PCDHA11: variants seen among roughly 807,000 people sequenced by gnomAD.
PCDHA11 encodes protocadherin alpha 11.
In PCDHA11, 61 loss-of-function variants were observed where a neutral mutation model predicts 70.3. That is an observed-to-expected ratio of 0.87 (90% CI 0.71 to 1.07). The LOEUF is 1.07. PCDHA11 is among the 50% of genes least tolerant of loss of function. The probability of loss-of-function intolerance (pLI) is 0.00; values close to 1 mark genes in which losing one functional copy is unlikely to be tolerated. For synonymous variants in PCDHA11, 633 were observed against 555.1 expected, an observed-to-expected ratio of 1.14 and a Z score of -1.97; for missense variants, 1,324 against 1,237.5, an observed-to-expected ratio of 1.07 and a Z score of -1.05.
rs568082033 is a variant in PCDHA11, at chr5:140,926,946, AG to A, written c.2392-52002del. On this transcript the variant is annotated intron_variant, in intron 1 of 3. Transcript: ENST00000398640. ...GTTTGTGGGTTTCCTGCGGCGCTGC[AG>A]CGGGACAGCTCGAGTACTCAGTGCC... 60 of 1,590,228 alleles carry A rather than the reference AG, an allele frequency of 3.8e-5. No individual in the cohort carries two copies. The African/African-American group carries it at 7.7e-4, about 20-fold the overall frequency.
intron 2 of PCDHA11, among the ~76,000 whole-genome samples, chr5:140,980,460 T>G (rs1554241839): frequency 6.6e-6 from 1 of 152,134 alleles, no homozygotes; most frequent in Non-Finnish European, 1.5e-5. Flanking sequence ...TGAAACCCTG[T>G]CTCTACTAAA....
chr5:140,869,894 T>A lies in PCDHA11; in HGVS notation c.791T>A (p.Leu264Gln), dbSNP rs1234875307. 5 of 1,610,472 alleles carry A rather than the reference T, an allele frequency of 3.1e-6. No individual in the cohort carries two copies. The African/African-American group carries it at 4.0e-5, about 13-fold the overall frequency. Residue 264 changes from leucine (L) to glutamine (Q), a missense_variant, in exon 1 of 4, where the codon CTA becomes CAA. By Grantham distance (113) the Leu-to-Gln change is moderately radical (BLOSUM62 -2). Coordinates refer to ENST00000398640, the MANE Select transcript of PCDHA11 (RefSeq NM_018902.5). The part of the protein sequence containing the change: ...NAAKETLVLK[L>Q]NATDRDEGVN... ...GCTAAAGAAACTCTTGTGCTCAAAC[T>A]AAACGCCACAGACCGAGACGAAGGA...
At chr5:140,877,065 G>A (rs782807909) in intron 1 of PCDHA11, 7 of 1,613,044 alleles carry the variant, frequency 4.3e-6, no homozygotes, top group Non-Finnish European at 5.9e-6. Flanking sequence ...TGGAGCTGCT[G>A]CAGTTCCAGG....
In PCDHA11 at chr5:140,917,330, A is replaced by T. The variant is rs155802; in HGVS notation, c.2391+45836A>T. On this transcript the variant is annotated intron_variant, in intron 1 of 3. Coordinates refer to ENST00000398640, the MANE Select transcript of PCDHA11 (RefSeq NM_018902.5). The stretch of plus-strand genomic sequence containing the variant: ...CAATTTGGTGTTCATGTGGCGGGGG[A>T]GGGGGGGGATGGTGTAGGCTTCTGT... Among the ~76,000 whole-genome samples, 56 of 103,230 alleles carry T rather than the reference A, an allele frequency of 5.4e-4. 2 individuals are homozygous for T. In the South Asian group the frequency reaches 0.01, roughly 19 times the overall value. The allele number at this position is 103,230 out of a possible 152,430, so 67.7% of individuals were successfully genotyped here.
At chr5:140,897,227 CA>C (rs1408350956) in intron 1 of PCDHA11, among the ~76,000 whole-genome samples, 2 of 152,036 alleles carry the variant, frequency 1.3e-5, no homozygotes, top group African/African-American at 2.4e-5. Context: ...TACATGTGCA[CA>C]ATGTGCAGGT....
At chr5:140,987,124 G>T (rs2097230182) in intron 3 of PCDHA11, among the ~76,000 whole-genome samples, 1 of 151,678 alleles carries the variant, frequency 6.6e-6, no homozygotes, top group Non-Finnish European at 1.5e-5. Flanking sequence ...TGAGGCAGGA[G>T]AATTGCTTGA....
intron 1 of PCDHA11, chr5:140,876,785 C>T (rs1554168921): frequency 3.1e-6 from 5 of 1,614,206 alleles, no homozygotes; most frequent in Admixed American, 1.7e-5. Flanking sequence ...CTGTGGGCCA[C>T]GGCTAGAGTG....
intron 1 of PCDHA11, among the ~76,000 whole-genome samples, chr5:140,941,191 T>TTTTC (rs1217097209): frequency 2.1e-5 from 2 of 93,206 alleles, no homozygotes; most frequent in African/African-American, 7.9e-5. Flanking sequence ...GCTTCTTTTT[T>TTTTC]TTTCTTTCTT....
chr5:140,981,033 GA>G (rs148859655), intron 2 of PCDHA11, among the ~76,000 whole-genome samples: 2 of 151,612 alleles, frequency 1.3e-5, no homozygotes, highest in Admixed American at 6.6e-5. Flanking sequence ...AATATTTGGG[GA>G]AAAAAAACAG....
chr5:140,953,648 A>C (rs2094921161), intron 1 of PCDHA11, among the ~76,000 whole-genome samples: 1 of 152,150 alleles, frequency 6.6e-6, no homozygotes, highest in Non-Finnish European at 1.5e-5. Flanking sequence ...CAGGAGCTAT[A>C]GTTGTTATCT....
chr5:140,900,438 C>T (rs573115268), intron 1 of PCDHA11, among the ~76,000 whole-genome samples: 21 of 152,234 alleles, frequency 1.4e-4, no homozygotes, highest in South Asian at 8.3e-4. Flanking sequence ...CCACCACGGC[C>T]GGCTAATTTT....
Position 140,873,293 on chromosome 5 carries a change from A to G in PCDHA11, c.2391+1799A>G, listed in dbSNP as rs189607123. Reference sequence around the variant, plus strand: ...ACCATCATACCACTTATGAAACTTTATAAATATAATAAAGGTGAATATTAG... The same window carrying G: ...ACCATCATACCACTTATGAAACTTTGTAAATATAATAAAGGTGAATATTAG... On this transcript the variant is annotated intron_variant, in intron 1 of 3. Transcript: ENST00000398640. Among the ~76,000 whole-genome samples, 54 of 152,366 alleles carry G rather than the reference A, an allele frequency of 3.5e-4. No homozygotes were observed. In the East Asian group the frequency reaches 0.01, roughly 29 times the overall value.
rs2052268691 is a variant in PCDHA11 at position 140,870,659 on chromosome 5, T to C, written c.1556T>C (p.Leu519Pro). 1.2e-6 allele frequency: 2 copies of C among 1,612,520 alleles called. No homozygotes were observed. The highest frequency in any genetic ancestry group is 1.7e-6 in the Non-Finnish European group (2 of 1,179,758). ...GCGGAGAGCGGCAAGGTGTACGCGC[T>C]GCAGCCGTTGGACCACGAGGAGCTG... ...VHAESGKVYA[L>P]QPLDHEELEL... Residue 519 changes from leucine to proline, a missense_variant, in exon 1 of 4, where the codon CTG (leucine) becomes CCG (proline). Leu to Pro is a moderately conservative substitution (Grantham distance 98, BLOSUM62 -3). Transcript: ENST00000398640.
chr5:140,918,929 A>G (rs2078930762), intron 1 of PCDHA11, among the ~76,000 whole-genome samples: 1 of 152,226 alleles, frequency 6.6e-6, no homozygotes, highest in Non-Finnish European at 1.5e-5. Context: ...AGCATATGGC[A>G]TTTTGTTATA....
In PCDHA11 at chr5:141,011,716, A is replaced by G. The variant is rs975588316; in HGVS notation, c.*1779A>G. 6.5e-6 allele frequency: 1 copy of G among 153,764 alleles called. No homozygotes were observed. Among genetic ancestry groups the G allele is most frequent in the African/African-American group, 2.4e-5 (1 of 41,450 alleles). 9.5% of individuals were successfully genotyped at this position (153,764 alleles called of 1,614,324 possible). On this transcript the variant is annotated 3_prime_UTR_variant, in exon 4 of 4. Transcript: ENST00000398640. Reference sequence around the variant, plus strand: ...TTGGAATGAATACTGACAATATTCCATGAGGGTGTGCAAGCACAAATTTTA... The same window carrying G: ...TTGGAATGAATACTGACAATATTCCGTGAGGGTGTGCAAGCACAAATTTTA...
intron 1 of PCDHA11, chr5:140,967,413 A>G: frequency 6.2e-7 from 1 of 1,613,218 alleles, no homozygotes; most frequent in Non-Finnish European, 8.5e-7. Context: ...AAGGGCCTAG[A>G]CCGGGAGCAG....
chr5:141,004,403 C>T (rs1424370254), intron 3 of PCDHA11, among the ~76,000 whole-genome samples: 1 of 152,166 alleles, frequency 6.6e-6, no homozygotes, highest in Non-Finnish European at 1.5e-5. Flanking sequence ...GGAGGAGGCA[C>T]CTGACTAGAT....
At chr5:141,001,509 G>A (rs1025738776) in intron 3 of PCDHA11, among the ~76,000 whole-genome samples, 3 of 152,212 alleles carry the variant, frequency 2.0e-5, no homozygotes, top group Non-Finnish European at 4.4e-5. Context: ...GGTGGGCTTA[G>A]CTTTCTCCCT....
intron 1 of PCDHA11, chr5:140,926,719 A>C: frequency 2.0e-6 from 2 of 986,548 alleles, no homozygotes; most frequent in Non-Finnish European, 2.7e-6. Context: ...AGCCCCGGCA[A>C]TGCCGGCGTT....
Sources: gnomAD v4.1 joint callset for allele counts (sites outside exome capture counted in the v4.1 genomes callset) on GRCh38, gnomAD v4.1.1 for gene constraint, MANE v1.5 for transcripts, NCBI Gene and HGNC (gene_info 2026-07-23, HGNC 2026-07-21) for gene names.